SMG1: variants seen among roughly 807,000 people sequenced by gnomAD.
SMG1 encodes the protein serine/threonine-protein kinase SMG1.
In SMG1, 22 loss-of-function variants were observed where a neutral mutation model predicts 419.9. The ratio of observed to expected loss-of-function variants is 0.05; its 90% confidence interval spans 0.04 to 0.07. SMG1 has a LOEUF of 0.07. Ranked by LOEUF, SMG1 falls within the 10% of genes least tolerant of loss-of-function variation. The pLI is 1.00. For synonymous variants in SMG1, 1,538 were observed against 1,553.5 expected, an observed-to-expected ratio of 0.99 and a Z score of 0.23; for missense variants, 3,185 against 4,342.0, an observed-to-expected ratio of 0.73 and a Z score of 7.49.
intron 33 of SMG1, among the ~76,000 whole-genome samples, chr16:18,851,434 A>G (rs2034589033): frequency 6.6e-6 from 1 of 152,264 alleles, no homozygotes; most frequent in Non-Finnish European, 1.5e-5. Context: ...CGTCTCATTC[A>G]GAGTATCTGG....
At chr16:18,853,947 A>C in intron 30 of SMG1, 80 bp from the exon 31 acceptor site, 1 of 1,302,468 alleles carries the variant, frequency 7.7e-7, no homozygotes, top group South Asian at 1.5e-5. Context: ...GGAAACAAAT[A>C]TCAACATGGT....
intron 36 of SMG1, 41 bp from the exon 37 acceptor site, chr16:18,848,074 C>A: frequency 1.3e-6 from 2 of 1,538,136 alleles, no homozygotes; most frequent in Non-Finnish European, 1.8e-6. Context: ...TTGAACATTT[C>A]TCCCATGTGC....
In SMG1 at chr16:18,815,234, G is replaced by C. The variant is rs1226669107; in HGVS notation, c.10562C>G (p.Ala3521Gly). 3 of 1,595,446 alleles carry C rather than the reference G, an allele frequency of 1.9e-6. No individual in the cohort carries two copies. The highest frequency in any genetic ancestry group is 2.3e-5 in the East Asian group (1 of 44,210). The change falls in exon 60 of 63, where the codon GCA becomes GGA. Residue 3521 changes from alanine to glycine, a missense_variant. By Grantham distance (60) the Ala-to-Gly change is moderately conservative. Coordinates refer to ENST00000446231, the MANE Select transcript of SMG1 (RefSeq NM_015092.5). ...VSFASPLVTDATNECSSPTSS... is the reference protein window; with the variant it reads ...VSFASPLVTDGTNECSSPTSS... ...CGTTGGACTCGAACATTCATTTGTT[G>C]CATCGGTGACTAAGGGTGATGCAAA...
intron 1 of SMG1, among the ~76,000 whole-genome samples, chr16:18,900,831 A>G (rs982673128): frequency 5.9e-5 from 9 of 152,210 alleles, no homozygotes; most frequent in Non-Finnish European, 1.2e-4. Flanking sequence ...ATACCACTTG[A>G]AAATGATTTA....
At chr16:18,919,646 G>GTGTGTA (rs1436286578) in intron 1 of SMG1, among the ~76,000 whole-genome samples, 1 of 101,120 alleles carries the variant, frequency 9.9e-6, no homozygotes, top group Non-Finnish European at 1.9e-5. Flanking sequence ...GTGTGTGTGT[G>GTGTGTA]TGTGTATATA....
intron 1 of SMG1, among the ~76,000 whole-genome samples, chr16:18,921,135 C>T (rs1345059792): frequency 7.8e-6 from 1 of 128,386 alleles, no homozygotes; most frequent in Non-Finnish European, 1.6e-5. Context: ...AAAACTCTGT[C>T]TCAAAAAAAA....
Position 18,866,565 on chromosome 16 carries a change from A to G in SMG1, c.3350+56T>C, listed in dbSNP as rs574866655. ...TTTGGCTACAATGTCAGTGAGTAAT[A>G]CACAGAACTTAAACATAAAGTAATT... On this transcript the variant is annotated intron_variant, in intron 23 of 62. Transcript: ENST00000446231. 2.0e-6 allele frequency: 3 copies of G among 1,515,084 alleles called. No homozygotes were observed. The South Asian group carries it at 3.4e-5, about 17-fold the overall frequency. 93.9% of individuals were successfully genotyped at this position (1,515,084 alleles called of 1,614,324 possible). A position where few individuals can be genotyped will look rare whatever the true frequency, so the allele number is the denominator to read the frequency against.
intron 56 of SMG1, among the ~76,000 whole-genome samples, chr16:18,818,201 G>A (rs1443037586): frequency 6.6e-6 from 1 of 152,058 alleles, no homozygotes; most frequent in Non-Finnish European, 1.5e-5. Flanking sequence ...TGGCCAACAT[G>A]GTGAAACCCC....
chr16:18,812,562 A>G (rs1040965189), intron 60 of SMG1, among the ~76,000 whole-genome samples: 1 of 150,882 alleles, frequency 6.6e-6, no homozygotes, highest in Non-Finnish European at 1.5e-5. Context: ...ATATATATAT[A>G]CATATATATA....
rs981817946 is a variant in SMG1, at chr16:18,806,964, T to C, written c.*2605A>G. ...ATACAGACCAGGGCCTTGTCCAGAGTGCAGTAAGGAGCAGGCTTTTGAAGT... is the reference window on the plus strand; with the variant it reads ...ATACAGACCAGGGCCTTGTCCAGAGCGCAGTAAGGAGCAGGCTTTTGAAGT... On this transcript the variant is annotated 3_prime_UTR_variant, in exon 63 of 63. Transcript: ENST00000446231. The C allele has an allele frequency of 1.3e-5, 2 of 152,194 alleles. No individual in the cohort carries two copies. The highest frequency in any genetic ancestry group is 3.8e-4 in the East Asian group (2 of 5,196). 9.4% of individuals were successfully genotyped at this position (152,194 alleles called of 1,614,324 possible). A position where few individuals can be genotyped will look rare whatever the true frequency, so the allele number is the denominator to read the frequency against.
chr16:18,865,129 T>G (rs1342734571), intron 23 of SMG1, among the ~76,000 whole-genome samples: 1 of 152,084 alleles, frequency 6.6e-6, no homozygotes, highest in African/African-American at 2.4e-5. Flanking sequence ...TTGGATAGCA[T>G]CAACAATCTT....
In SMG1 at chr16:18,847,828, G is replaced by C; in HGVS notation, c.5829C>G (p.Thr1943=). The C allele has an allele frequency of 6.2e-7, 1 of 1,613,842 alleles. No individual in the cohort carries two copies. The highest frequency in any genetic ancestry group is 8.5e-7 in the Non-Finnish European group (1 of 1,179,824). Residue 1943 remains threonine (T), a synonymous_variant, in exon 37 of 63, where the codon ACC becomes ACG. Coordinates refer to ENST00000446231, the MANE Select transcript of SMG1 (RefSeq NM_015092.5). ...IVDKLSSANP[T]MVLQVQMLVA... is the part of the protein sequence containing the mutation. ...AGTTTCTTTGTACCTGTAATACCATGGTGGGGTTTGCAGAGGACAGCTTAT... is the reference window on the plus strand; with the variant it reads ...AGTTTCTTTGTACCTGTAATACCATCGTGGGGTTTGCAGAGGACAGCTTAT...
intron 39 of SMG1, among the ~76,000 whole-genome samples, chr16:18,844,382 T>C (rs1278562244): frequency 6.7e-6 from 1 of 148,690 alleles, no homozygotes; most frequent in Non-Finnish European, 1.5e-5. Flanking sequence ...TGAGCCAAGA[T>C]CGTGCCACTC....
At chr16:18,887,123 T>G (rs1192158709) in intron 6 of SMG1, among the ~76,000 whole-genome samples, 1 of 152,122 alleles carries the variant, frequency 6.6e-6, no homozygotes, top group Non-Finnish European at 1.5e-5. Context: ...AACTGGTAAA[T>G]CTAGGTGAAG....
chr16:18,848,964 G>A (rs375093731), intron 36 of SMG1, among the ~76,000 whole-genome samples: 5 of 150,192 alleles, frequency 3.3e-5, no homozygotes, highest in South Asian at 2.1e-4. Flanking sequence ...CCAGCTACTC[G>A]GGAAGCTGAG....
chr16:18,886,886 C>T (rs967333353), intron 6 of SMG1, among the ~76,000 whole-genome samples: 2 of 152,058 alleles, frequency 1.3e-5, no homozygotes, highest in Non-Finnish European at 2.9e-5. Context: ...TGCTAAAAAT[C>T]ATTTAAAAGA....
chr16:18,926,331 C>G lies in SMG1; in HGVS notation c.-290G>C, dbSNP rs1214320038. 2 of 383,152 alleles carry G rather than the reference C, an allele frequency of 5.2e-6. No homozygotes were observed. The highest frequency in any genetic ancestry group is 9.3e-6 in the Non-Finnish European group (2 of 214,590). The allele number at this position is 383,152 out of a possible 1,614,324, so 23.7% of individuals were successfully genotyped here. On this transcript the variant is annotated 5_prime_UTR_variant, in exon 1 of 63. Transcript: ENST00000446231. ...GTCTTTTCCAGGGCCGTGCGCGGCC[C>G]ACGTCGCCGGGGCCCCGGAGGACGA... is the stretch of plus-strand genomic sequence containing the variant.
At chr16:18,820,714 G>C (rs374837854) in intron 55 of SMG1, among the ~76,000 whole-genome samples, 62 of 152,234 alleles carry the variant, frequency 4.1e-4, no homozygotes, top group African/African-American at 1.3e-3. Flanking sequence ...TCTTTTCTCT[G>C]ACCAATACAC....
chr16:18,912,098 A>C (rs1414732101), intron 1 of SMG1, among the ~76,000 whole-genome samples: 1 of 149,020 alleles, frequency 6.7e-6, no homozygotes, highest in African/African-American at 2.5e-5. Flanking sequence ...AAAAAAAAAA[A>C]ACCATTCTTA....
Sources: allele counts gnomAD v4.1 joint callset (sites outside exome capture counted in the v4.1 genomes callset), GRCh38; gene constraint gnomAD v4.1.1; transcripts MANE v1.5; gene names NCBI Gene and HGNC (gene_info 2026-07-23, HGNC 2026-07-21).